Variants in SLC31A1 observed in about 807,000 individuals in gnomAD.
The protein encoded by SLC31A1 is solute carrier family 31 member 1.
In SLC31A1, 5 loss-of-function variants were observed where a neutral mutation model predicts 17.2. The ratio of observed to expected loss-of-function variants is 0.29; its 90% CI spans 0.15 to 0.61. The LOEUF is 0.61. SLC31A1 is among the 20% of genes least tolerant of loss of function. The pLI is 0.86. For missense variants in SLC31A1, 161 were observed against 241.4 expected (o/e 0.67, Z 2.21); for synonymous variants, 76 against 78.8 (o/e 0.96, Z 0.19).
At chr9:113,225,100 A>G (rs1381232420) in intron 1 of SLC31A1, among the ~76,000 whole-genome samples, 2 of 152,238 alleles carry the variant, frequency 1.3e-5, no homozygotes, top group African/African-American at 4.8e-5. Flanking sequence ...CAACTGGCAT[A>G]AATAGGTTTG....
intron 1 of SLC31A1, among the ~76,000 whole-genome samples, chr9:113,252,946 C>CTTTTTTTTTTTTTTTT (rs1282361795): frequency 8.8e-6 from 1 of 113,708 alleles, no homozygotes. Context: ...CTTTTCTTTT[C>CTTTTTTTTTTTTTTTT]TTTTTTTCTT....
intron 1 of SLC31A1, among the ~76,000 whole-genome samples, chr9:113,237,753 G>A (rs573340589): frequency 3.2e-4 from 48 of 152,126 alleles, no homozygotes; most frequent in Non-Finnish European, 5.7e-4. Flanking sequence ...GTTAAGTTTG[G>A]AAACATACTA....
At chr9:113,257,690 G>A (rs1831744159) in intron 3 of SLC31A1, among the ~76,000 whole-genome samples, 2 of 151,960 alleles carry the variant, frequency 1.3e-5, no homozygotes, top group Non-Finnish European at 2.9e-5. Flanking sequence ...GTTTTGCCAT[G>A]TTTGCCAGGC....
chr9:113,227,173 C>G (rs1478873328), intron 1 of SLC31A1: 1 of 152,062 alleles, frequency 6.6e-6, no homozygotes, highest in Non-Finnish European at 1.5e-5. Flanking sequence ...AGATGTAGAA[C>G]CTCTTTCAGT....
chr9:113,229,908 A>G (rs1458835250), intron 1 of SLC31A1, among the ~76,000 whole-genome samples: 1 of 152,234 alleles, frequency 6.6e-6, no homozygotes, highest in Non-Finnish European at 1.5e-5. Flanking sequence ...ATGGTCTTGT[A>G]GATTTTTCTA....
intron 1 of SLC31A1, among the ~76,000 whole-genome samples, chr9:113,234,979 A>G (rs1831439638): frequency 6.6e-6 from 1 of 152,226 alleles, no homozygotes; most frequent in African/African-American, 2.4e-5. Context: ...CAAATAAAGC[A>G]TGATAAATAG....
chr9:113,231,506 G>A (rs76484100), intron 1 of SLC31A1, among the ~76,000 whole-genome samples: 1,682 of 151,726 alleles, frequency 0.011, 34 homozygotes, highest in African/African-American at 0.038. Flanking sequence ...GTAGGCCGCA[G>A]TGAGCTGTAA....
At chr9:113,255,852 A>G (rs1223742205) in intron 1 of SLC31A1, 2 of 205,846 alleles carry the variant, frequency 9.7e-6, no homozygotes, top group Admixed American at 5.2e-5. Flanking sequence ...GCATTCATTT[A>G]TTAGATGCAT....
rs1831799345 is a variant in SLC31A1, at chr9:113,262,049, G to A, written c.*1576G>A. On this transcript the variant is annotated 3_prime_UTR_variant, in exon 5 of 5. Coordinates refer to ENST00000374212, the MANE Select transcript of SLC31A1 (RefSeq NM_001859.4). Reference sequence around the variant, plus strand: ...TAGTCCTTATTTTTAAAGGTCTATGGTTTCTTGGAAGTAGTTTGATTGTTG... The same window carrying A: ...TAGTCCTTATTTTTAAAGGTCTATGATTTCTTGGAAGTAGTTTGATTGTTG... 6.6e-6 allele frequency: 1 copy of A among 152,562 alleles called. No individual in the cohort carries two copies. Among genetic ancestry groups the A allele is most frequent in the African/African-American group, 2.4e-5 (1 of 41,434 alleles). 9.5% of individuals were successfully genotyped at this position (152,562 alleles called of 1,614,324 possible).
intron 1 of SLC31A1, among the ~76,000 whole-genome samples, chr9:113,242,061 C>T (rs1449603167): frequency 6.6e-6 from 1 of 152,064 alleles, no homozygotes; most frequent in Admixed American, 6.6e-5. Context: ...TGGTAGCGGG[C>T]GCCTGTAGTC....
chr9:113,234,459 G>A (rs1831433937), intron 1 of SLC31A1, among the ~76,000 whole-genome samples: 1 of 138,502 alleles, frequency 7.2e-6, no homozygotes, highest in Non-Finnish European at 1.5e-5. Context: ...TTACAGGCAT[G>A]AACCACCGCT....
At chr9:113,233,851 T>G (rs1831425782) in intron 1 of SLC31A1, among the ~76,000 whole-genome samples, 1 of 152,272 alleles carries the variant, frequency 6.6e-6, no homozygotes, top group South Asian at 2.1e-4. Flanking sequence ...TTGCACAATG[T>G]ATAATGATCA....
intron 1 of SLC31A1, among the ~76,000 whole-genome samples, chr9:113,228,104 C>T (rs1333727402): frequency 6.6e-6 from 1 of 152,150 alleles, no homozygotes; most frequent in Non-Finnish European, 1.5e-5. Flanking sequence ...GCAAATTTTG[C>T]AAATTTTGGT....
intron 1 of SLC31A1, among the ~76,000 whole-genome samples, chr9:113,235,039 A>AGAC (rs1403741729): frequency 6.6e-6 from 1 of 152,226 alleles, no homozygotes; most frequent in Non-Finnish European, 1.5e-5. Flanking sequence ...GACACAATAA[A>AGAC]AGAAATGAAA....
intron 1 of SLC31A1, among the ~76,000 whole-genome samples, chr9:113,222,440 G>C (rs1587984407): frequency 6.6e-6 from 1 of 152,168 alleles, no homozygotes; most frequent in South Asian, 2.1e-4. Flanking sequence ...GTATTTCTTT[G>C]GTTAACCTGG....
intron 1 of SLC31A1, among the ~76,000 whole-genome samples, chr9:113,237,402 G>A (rs1217067282): frequency 1.3e-5 from 2 of 152,104 alleles, no homozygotes; most frequent in African/African-American, 4.8e-5. Context: ...ATCCAATTGT[G>A]CCTCAACAGG....
rs1831831829 is a variant in SLC31A1 at position 113,264,409 on chromosome 9, G to A, written c.*3936G>A. On this transcript the variant is annotated 3_prime_UTR_variant, in exon 5 of 5. Transcript: ENST00000374212. ...TGACTGTTTTAGATTGTAAGCTCCT[G>A]GAGAGCAGTATTGCTGTAGTAGGAA... The A allele has an allele frequency of 1.3e-5, 2 of 152,528 alleles. No individual in the cohort carries two copies. The highest frequency in any genetic ancestry group is 4.8e-5 in the African/African-American group (2 of 41,408). 9.4% of individuals were successfully genotyped at this position (152,528 alleles called of 1,614,324 possible). A position where few individuals can be genotyped will look rare whatever the true frequency, so the allele number is the denominator to read the frequency against.
chr9:113,258,999 G>A lies in SLC31A1; in HGVS notation c.371+137G>A. 1 of 906,358 alleles carries A rather than the reference G, an allele frequency of 1.1e-6. No homozygotes were observed. The highest frequency in any genetic ancestry group is 2.0e-5 in the Admixed American group (1 of 50,742). The allele number at this position is 906,358 out of a possible 1,614,324, so 56.1% of individuals were successfully genotyped here. On this transcript the variant is annotated intron_variant, in intron 4 of 4. Transcript: ENST00000374212. This position sits in a 1 kb window ranked among gnomAD's most constrained non-coding sequence, Gnocchi z 4.8. The stretch of plus-strand genomic sequence containing the variant: ...ACCTTGATCAAAACTGTCCTTGGAG[G>A]TTTGGGTTTGTAGGTCATGAGCAGG...
Position 113,260,811 on chromosome 9 carries a change from T to C in SLC31A1, c.*338T>C. On this transcript the variant is annotated 3_prime_UTR_variant, in exon 5 of 5. Transcript: ENST00000374212. The stretch of plus-strand genomic sequence containing the variant: ...AGCTTTTTGTTCAATGACTTGATCA[T>C]CTGCTTCCTTTTTGAATTTTTAACA... The C allele has an allele frequency of 3.0e-6, 1 of 329,228 alleles. No individual in the cohort carries two copies. The highest frequency in any genetic ancestry group is 7.2e-5 in the East Asian group (1 of 13,826). 20.4% of individuals were successfully genotyped at this position (329,228 alleles called of 1,614,324 possible).
Sources: allele counts gnomAD v4.1 joint callset (sites outside exome capture counted in the v4.1 genomes callset), GRCh38; gene constraint gnomAD v4.1.1; non-coding constraint Gnocchi (gnomAD v3.1); transcripts MANE v1.5; gene names NCBI Gene and HGNC (gene_info 2026-07-23, HGNC 2026-07-21).